The following ABCD2 variants were observed in gnomAD, a reference collection of about 807,000 sequenced individuals.
ABCD2 encodes the protein ATP binding cassette subfamily D member 2, also known as ATP-binding cassette sub-family D member 2.
Under a neutral mutation model 70.9 loss-of-function variants are expected in ABCD2, and 36 were observed. The ratio of observed to expected loss-of-function variants is 0.51; its 90% CI spans 0.39 to 0.67. The LOEUF (loss-of-function observed/expected upper bound fraction) is 0.67, where lower values mean the gene tolerates loss of function less well. Ranked by LOEUF, ABCD2 falls within the 30% of genes least tolerant of loss-of-function variation. The pLI is 0.00. For synonymous variants in ABCD2, 304 were observed against 306.9 expected, an observed-to-expected ratio of 0.99 and a Z score of 0.10; for missense variants, 729 against 890.2, an observed-to-expected ratio of 0.82 and a Z score of 2.30.
At chr12:39,534,806 G>C in the ABCD2 span, among the ~76,000 whole-genome samples, 1 of 114,822 alleles carries the variant, frequency 8.7e-6, no homozygotes, top group African/African-American at 3.3e-5. Context: ...AAGAAAGAAA[G>C]AAAAGAAAGG....
chr12:39,541,023 A>G, the ABCD2 span, among the ~76,000 whole-genome samples: 2 of 152,248 alleles, frequency 1.3e-5, no homozygotes, highest in Non-Finnish European at 2.9e-5. Context: ...TGTTTTCATA[A>G]ACAATTGAAC....
At chr12:39,554,277 T>A in intron 9 of ABCD2, 146 bp from the exon 10 acceptor site, 1 of 696,508 alleles carries the variant, frequency 1.4e-6, no homozygotes, top group Non-Finnish European at 2.3e-6. Flanking sequence ...ATCAAAAAGT[T>A]AAATACTGTG....
chr12:39,587,233 G>T (rs1941678397), intron 6 of ABCD2, among the ~76,000 whole-genome samples: 1 of 152,186 alleles, frequency 6.6e-6, no homozygotes, highest in Non-Finnish European at 1.5e-5. Context: ...ATAAAAGGAT[G>T]AGGAAGACCT....
intron 8 of ABCD2, among the ~76,000 whole-genome samples, chr12:39,575,324 CAT>C (rs1024306905): frequency 2.6e-5 from 4 of 152,050 alleles, no homozygotes; most frequent in Non-Finnish European, 2.9e-5. Context: ...TGTAAGATCA[CAT>C]GTTTTAGTTT....
intron 2 of ABCD2, among the ~76,000 whole-genome samples, chr12:39,613,766 T>G (rs1312467559): frequency 3.3e-5 from 5 of 152,246 alleles, no homozygotes; most frequent in Admixed American, 2.6e-4. Context: ...AGATGGCCTT[T>G]AAGCTCCTCT....
chr12:39,574,257 T>C (rs1410064158), intron 8 of ABCD2, among the ~76,000 whole-genome samples: 1 of 152,140 alleles, frequency 6.6e-6, no homozygotes, highest in Non-Finnish European at 1.5e-5. Context: ...AGCAAAGATT[T>C]AATGAGAAGA....
Position 39,618,845 on chromosome 12 carries a change from G to A in ABCD2, c.771C>T (p.Thr257=), listed in dbSNP as rs748717215. ...CATACACCACAAGTCCTGCTAGTAG[G>A]GTGGGCCCAATTGGGCTTGCTCCTC... The part of the protein sequence containing the change: ...TSRGASPIGP[T]LLAGLVVYAT... The change falls in exon 1 of 10, where the codon ACC becomes ACT. Residue 257 remains threonine (T), a synonymous_variant. Transcript: ENST00000308666. The A allele has an allele frequency of 1.9e-6, 3 of 1,614,044 alleles. No homozygotes were observed. The highest frequency in any genetic ancestry group is 2.7e-5 in the African/African-American group (2 of 74,912).
chr12:39,543,754 T>C, the ABCD2 span, among the ~76,000 whole-genome samples: 1 of 152,200 alleles, frequency 6.6e-6, no homozygotes, highest in Admixed American at 6.5e-5. Context: ...CTATTTCCTT[T>C]TCCCTTTTTT....
the ABCD2 span, among the ~76,000 whole-genome samples, chr12:39,536,302 C>A: frequency 6.6e-6 from 1 of 152,162 alleles, no homozygotes; most frequent in African/African-American, 2.4e-5. Context: ...GAGAATGTAT[C>A]AGACCCCAGA....
the ABCD2 span, among the ~76,000 whole-genome samples, chr12:39,532,154 A>G: frequency 6.6e-6 from 1 of 152,242 alleles, no homozygotes; most frequent in Non-Finnish European, 1.5e-5. Flanking sequence ...ACAAAGTTCA[A>G]CTGTGGCCAT....
chr12:39,604,489 T>C (rs1274176470), intron 4 of ABCD2, among the ~76,000 whole-genome samples: 1 of 152,086 alleles, frequency 6.6e-6, no homozygotes, highest in Non-Finnish European at 1.5e-5. Context: ...AGATGAATTT[T>C]AAAAGCAAAC....
Position 39,579,559 on chromosome 12 carries a change from C to T in ABCD2, c.1853G>A (p.Gly618Asp), listed in dbSNP as rs1460757498. 3 of 1,613,080 alleles carry T rather than the reference C, an allele frequency of 1.9e-6. No homozygotes were observed. Among genetic ancestry groups the T allele is most frequent in the Non-Finnish European group, 2.5e-6 (3 of 1,179,352 alleles). Residue 618 changes from glycine to aspartate, a missense_variant, in exon 8 of 10, where the codon GGC becomes GAC. By Grantham distance (94) the Gly-to-Asp change is moderately conservative (BLOSUM62 -1). Coordinates refer to ENST00000308666, the MANE Select transcript of ABCD2 (RefSeq NM_005164.4). ...CTTATGATAAAACATACGAGCCATG[C>T]CCATTCTTTGCTTTTCCCCTCCTGA... ...VLSGGEKQRM[G>D]MARMFYHKPK...
the ABCD2 span, among the ~76,000 whole-genome samples, chr12:39,533,028 G>C: frequency 6.6e-6 from 1 of 151,922 alleles, no homozygotes; most frequent in Non-Finnish European, 1.5e-5. Flanking sequence ...AGCCAGGGGT[G>C]GTGGCGGGTG....
At chr12:39,564,255 G>A (rs1326883506) in intron 9 of ABCD2, among the ~76,000 whole-genome samples, 1 of 152,180 alleles carries the variant, frequency 6.6e-6, no homozygotes, top group East Asian at 1.9e-4. Context: ...CAGTGTAAAA[G>A]TGTTCCTATT....
At chr12:39,580,606 A>C (rs1941584139) in intron 7 of ABCD2, among the ~76,000 whole-genome samples, 1 of 152,100 alleles carries the variant, frequency 6.6e-6, no homozygotes, top group African/African-American at 2.4e-5. Flanking sequence ...GCCTACCTTA[A>C]TTTTTTAATT....
chr12:39,608,105 T>C (rs1241734029), intron 2 of ABCD2, among the ~76,000 whole-genome samples: 1 of 151,368 alleles, frequency 6.6e-6, no homozygotes, highest in Non-Finnish European at 1.5e-5. Context: ...GAGGTGGAGG[T>C]TGCAGTGAAC....
At chr12:39,576,246 G>A (rs1169949777) in intron 8 of ABCD2, among the ~76,000 whole-genome samples, 8 of 152,226 alleles carry the variant, frequency 5.3e-5, no homozygotes, top group Middle Eastern at 3.4e-3. Context: ...TGCAATCTCC[G>A]CCTCCTGGGT....
chr12:39,544,576 T>G, the ABCD2 span, among the ~76,000 whole-genome samples: 2 of 152,218 alleles, frequency 1.3e-5, no homozygotes, highest in Non-Finnish European at 2.9e-5. Context: ...AGAAGCAAGA[T>G]GGAGTCAGCT....
chr12:39,558,338 A>G (rs1013072064), intron 9 of ABCD2, among the ~76,000 whole-genome samples: 1 of 152,194 alleles, frequency 6.6e-6, no homozygotes, highest in African/African-American at 2.4e-5. Context: ...TCTTGGGTTA[A>G]TGCTGGAATG....
Sources: allele counts gnomAD v4.1 joint callset (sites outside exome capture counted in the v4.1 genomes callset), GRCh38; gene constraint gnomAD v4.1.1; transcripts MANE v1.5; gene names NCBI Gene and HGNC (gene_info 2026-07-23, HGNC 2026-07-21).